The following PMS2 variants were observed in gnomAD, a reference collection of about 807,000 sequenced individuals.
PMS2 encodes the protein mismatch repair endonuclease PMS2.
A neutral mutation model predicts 90.0 loss-of-function variants in PMS2; 69 were observed. The observed-to-expected ratio is 0.77, with a 90% CI of 0.63 to 0.94. PMS2 has a LOEUF of 0.94. Ranked by LOEUF, PMS2 falls within the 40% of genes least tolerant of loss-of-function variation. The pLI is 0.00. For synonymous variants in PMS2, 332 were observed against 375.1 expected, an observed-to-expected ratio of 0.89 and a Z score of 1.33; for missense variants, 966 against 1,040.2, an observed-to-expected ratio of 0.93 and a Z score of 0.98.
At position 5,999,268 on chromosome 7, in the gene PMS2, G is replaced by A. The variant is rs1562679272; in HGVS notation, c.545C>T (p.Ala182Val). The A allele has an allele frequency of 1.2e-6, 2 of 1,613,492 alleles. No homozygotes were observed. The highest frequency in any genetic ancestry group is 1.7e-6 in the Non-Finnish European group (2 of 1,179,526). Residue 182 changes from alanine to valine, a missense_variant, in exon 6 of 15, where the codon GCC becomes GTC. Physicochemically the swap from Ala to Val is moderately conservative, Grantham distance 64. Transcript: ENST00000265849. ...TGCATGTAAGACCTGGACCATTTTG[G>A]CATACTCCTGTTTAAAAAACACAAA... Reference protein sequence around the residue: ...EFQRNIKKEYAKMVQVLHAYC... With the variant: ...EFQRNIKKEYVKMVQVLHAYC...
At chr7:5,993,838 G>T (rs12702461) in intron 8 of PMS2, among the ~76,000 whole-genome samples, 14 of 132,168 alleles carry the variant, frequency 1.1e-4, no homozygotes, top group East Asian at 9.6e-4. Flanking sequence ...TCCAGCCTGG[G>T]GGTGACAGAG....
In PMS2 at chr7:5,977,707, A is replaced by G. The variant is rs2128674890; in HGVS notation, c.2326T>C (p.Trp776Arg). 6.2e-7 allele frequency: 1 copy of G among 1,606,578 alleles called. No individual in the cohort carries two copies. Among genetic ancestry groups the G allele is most frequent in the South Asian group, 1.1e-5 (1 of 90,636 alleles). The change falls in exon 14 of 15, where the codon TGG becomes CGG. Residue 776 changes from tryptophan to arginine, a missense_variant. Transcript: ENST00000265849. ...KLISLPTSKN[W>R]TFGPQDVDEL... ...TCGACGTCCTGGGGTCCGAAGGTCC[A>G]GTTTTTACTAGTTGGCAAGGAAATC...
In PMS2 at chr7:5,983,654, T is replaced by C. The variant is rs997638267; in HGVS notation, c.2007-663A>G. Among the ~76,000 whole-genome samples the C allele has an allele frequency of 8.6e-5, 13 of 151,696 alleles. 1 individual carries two copies. Among genetic ancestry groups the C allele is most frequent in the African/African-American group, 3.2e-4 (13 of 41,100 alleles). On this transcript the variant is annotated intron_variant, in intron 11 of 14. Transcript: ENST00000265849. ...TAGATCTACTTCATTATTTTTTCTT[T>C]TTTTTTTTCTTTTAAGACGGAGTCT...
At position 5,986,943 on chromosome 7, in the gene PMS2, C is replaced by T. The variant is rs1782969330; in HGVS notation, c.1822G>A (p.Ala608Thr). The change falls in exon 11 of 15, where the codon GCT becomes ACT. Residue 608 changes from alanine to threonine, a missense_variant. Ala to Thr is a moderately conservative substitution (Grantham distance 58). Coordinates refer to ENST00000265849, the MANE Select transcript of PMS2 (RefSeq NM_000535.7). Reference protein sequence around the residue: ...QDMSASQVDVAVKINKKVVPL... With the variant: ...QDMSASQVDVTVKINKKVVPL... Reference sequence around the variant, plus strand: ...ACAACTTTCTTATTAATTTTCACAGCTACATCAACCTGAGAGGCTGACATG... The same window carrying T: ...ACAACTTTCTTATTAATTTTCACAGTTACATCAACCTGAGAGGCTGACATG... The T allele has an allele frequency of 6.2e-7, 1 of 1,613,940 alleles. No homozygotes were observed. The highest frequency in any genetic ancestry group is 1.1e-5 in the South Asian group (1 of 91,078).
chr7:5,999,633 A>AT (rs1413691821), intron 5 of PMS2, among the ~76,000 whole-genome samples: 1 of 147,460 alleles, frequency 6.8e-6, no homozygotes, highest in Non-Finnish European at 1.5e-5. Context: ...TCTACAAAAA[A>AT]TTTAAAAAAA....
chr7:6,008,724 A>C (rs987992838), intron 1 of PMS2, among the ~76,000 whole-genome samples: 5 of 150,234 alleles, frequency 3.3e-5, no homozygotes, highest in African/African-American at 1.2e-4. Flanking sequence ...GGATGTGGGC[A>C]AGGCCTGTCT....
chr7:5,996,570 T>C (rs1784411312), intron 7 of PMS2, among the ~76,000 whole-genome samples: 1 of 72,662 alleles, frequency 1.4e-5, no homozygotes, highest in Non-Finnish European at 2.6e-5. Context: ...AGACTCCATC[T>C]CAAAGCTAAA....
At chr7:5,987,793 G>A (rs1299118915) in intron 10 of PMS2, among the ~76,000 whole-genome samples, 173 bp from the exon 11 acceptor site, 1 of 152,084 alleles carries the variant, frequency 6.6e-6, no homozygotes, top group Admixed American at 6.6e-5. Flanking sequence ...GGTGGCTTAC[G>A]CCTGTTATCC....
intron 12 of PMS2, among the ~76,000 whole-genome samples, chr7:5,979,921 G>A (rs1191170726): frequency 1.1e-5 from 1 of 88,694 alleles, no homozygotes; most frequent in Admixed American, 1.4e-4. Flanking sequence ...GAAGAAAGAC[G>A]TTGAGCAAAT....
At chr7:5,987,978 G>T (rs1284525772) in intron 10 of PMS2, among the ~76,000 whole-genome samples, 1 of 148,772 alleles carries the variant, frequency 6.7e-6, no homozygotes, top group African/African-American at 2.5e-5. Flanking sequence ...CCTTTAGCCC[G>T]GGAGGCAGAG....
intron 2 of PMS2, among the ~76,000 whole-genome samples, chr7:6,005,027 C>T (rs1310523625): frequency 6.6e-6 from 1 of 151,716 alleles, no homozygotes; most frequent in African/African-American, 2.4e-5. Flanking sequence ...CCTTCAGCGT[C>T]CTGAGGAGCT....
rs1467669187 is a variant in PMS2, at chr7:5,978,311, C to T, written c.2275+285G>A. On this transcript the variant is annotated intron_variant, in intron 13 of 14. Transcript: ENST00000265849. The stretch of plus-strand genomic sequence containing the variant: ...TTGAGACAGAGTTTCACTCTTGTTG[C>T]CCAGGCTGGAGTGCAGTGACGTGAT... 6.0e-4 allele frequency among the ~76,000 whole-genome samples: 88 copies of T among 146,872 alleles called. 1 individual carries two copies. Among genetic ancestry groups the T allele is most frequent in the African/African-American group, 2.0e-3 (81 of 39,696 alleles).
chr7:6,008,859 G>T, intron 1 of PMS2, 138 bp downstream of exon 1: 1 of 1,052,092 alleles, frequency 9.5e-7, no homozygotes, highest in Non-Finnish European at 1.5e-6. Flanking sequence ...CACTGAGGTC[G>T]CCACTCCGGG....
At chr7:5,983,842 A>G (rs1190498431) in intron 11 of PMS2, among the ~76,000 whole-genome samples, 1 of 151,380 alleles carries the variant, frequency 6.6e-6, no homozygotes, top group East Asian at 1.9e-4. Flanking sequence ...AGTAGAGACA[A>G]GGTTTCACCA....
chr7:5,984,869 A>G (rs1243195175), intron 11 of PMS2, among the ~76,000 whole-genome samples: 11 of 151,796 alleles, frequency 7.2e-5, no homozygotes, highest in Non-Finnish European at 1.3e-4. Context: ...CATGCTCGTC[A>G]CCATCACAAT....
In PMS2 at chr7:5,972,683, G is replaced by C. The variant is rs1029755332; in HGVS notation, c.*716C>G. ...AAAATTTAATGTGAATCAGGGCTGAGAATCACTAACTGAAAAGGACCCTAC... is the reference window on the plus strand; with the variant it reads ...AAAATTTAATGTGAATCAGGGCTGACAATCACTAACTGAAAAGGACCCTAC... On this transcript the variant is annotated 3_prime_UTR_variant, in exon 15 of 15. Transcript: ENST00000265849. Among the ~76,000 whole-genome samples, 2 of 86,066 alleles carry C rather than the reference G, an allele frequency of 2.3e-5. 1 individual carries two copies. Among genetic ancestry groups the C allele is most frequent in the African/African-American group, 1.1e-4 (2 of 17,412 alleles). The allele number at this position is 86,066 out of a possible 152,430, so 56.5% of individuals were successfully genotyped here. A position where few individuals can be genotyped will look rare whatever the true frequency, so the allele number is the denominator to read the frequency against.
chr7:5,979,248 G>A (rs1404463496), intron 12 of PMS2, among the ~76,000 whole-genome samples: 2 of 141,628 alleles, frequency 1.4e-5, no homozygotes, highest in South Asian at 2.3e-4. Flanking sequence ...AAAATTAGCT[G>A]GAAGTGGTGG....
intron 6 of PMS2, 75 bp downstream of exon 6, chr7:5,999,033 T>C (rs2128798022): frequency 2.2e-6 from 3 of 1,366,234 alleles, no homozygotes; most frequent in East Asian, 2.3e-5. Flanking sequence ...TTCTCCATTC[T>C]ACTGGAAGGG....
intron 7 of PMS2, among the ~76,000 whole-genome samples, chr7:5,997,043 C>T (rs1299121789): frequency 2.6e-5 from 4 of 151,780 alleles, no homozygotes; most frequent in Non-Finnish European, 4.4e-5. Context: ...GGTGAAACCC[C>T]GTCTCTACTA....
Sources: gnomAD v4.1 joint callset for allele counts (sites outside exome capture counted in the v4.1 genomes callset) on GRCh38, gnomAD v4.1.1 for gene constraint, MANE v1.5 for transcripts, NCBI Gene and HGNC (gene_info 2026-07-23, HGNC 2026-07-21) for gene names.